Variants in RBMS3 observed in about 807,000 individuals in gnomAD.
The protein encoded by RBMS3 is RNA-binding motif, single-stranded-interacting protein 3.
A neutral mutation model predicts 66.8 loss-of-function variants in RBMS3; 27 were observed. The observed-to-expected ratio is 0.40, with a 90% CI of 0.30 to 0.56. RBMS3 has a LOEUF of 0.56. RBMS3 is among the 20% of genes least tolerant of loss of function. RBMS3 has a pLI of 0.40. For synonymous variants in RBMS3, 188 were observed against 183.0 expected (o/e 1.03, Z -0.22); for missense variants, 513 against 549.5 (o/e 0.93, Z 0.66).
intron 4 of RBMS3, among the ~76,000 whole-genome samples, chr3:29,694,697 GT>G (rs1218216889): frequency 6.6e-6 from 1 of 151,990 alleles, no homozygotes; most frequent in African/African-American, 2.4e-5. Flanking sequence ...GTTCAATTAT[GT>G]TTTAAACACA....
chr3:29,370,072 A>G (rs1331819351), intron 1 of RBMS3, among the ~76,000 whole-genome samples: 1 of 152,222 alleles, frequency 6.6e-6, no homozygotes, highest in African/African-American at 2.4e-5. Flanking sequence ...GGGATGATGG[A>G]CAGCCCGGCC....
chr3:29,869,363 G>A (rs991353703), intron 7 of RBMS3, among the ~76,000 whole-genome samples: 4 of 152,014 alleles, frequency 2.6e-5, no homozygotes, highest in Admixed American at 6.6e-5. Context: ...GACAAAATTT[G>A]GCTGTTTTTC....
chr3:29,754,961 T>C (rs2055342436), intron 5 of RBMS3, among the ~76,000 whole-genome samples: 1 of 152,222 alleles, frequency 6.6e-6, no homozygotes, highest in East Asian at 1.9e-4. Context: ...TGTACTTATG[T>C]CTCTCTGGGC....
At chr3:29,865,282 A>G (rs1277308485) in intron 6 of RBMS3, among the ~76,000 whole-genome samples, 1 of 152,160 alleles carries the variant, frequency 6.6e-6, no homozygotes, top group Admixed American at 6.5e-5. Context: ...GAGAAGTCAT[A>G]CTCTAGACTA....
intron 10 of RBMS3, among the ~76,000 whole-genome samples, chr3:29,932,615 A>G (rs2061158226): frequency 6.6e-6 from 1 of 152,218 alleles, no homozygotes; most frequent in African/African-American, 2.4e-5. Context: ...TTCTGGGATT[A>G]ATATAGGTGC....
intron 14 of RBMS3, among the ~76,000 whole-genome samples, chr3:29,995,132 G>A (rs1199473787): frequency 2.0e-5 from 3 of 152,222 alleles, no homozygotes; most frequent in Admixed American, 2.0e-4. Context: ...GAATGCAGAA[G>A]CCTCAGGAGC....
intron 1 of RBMS3, among the ~76,000 whole-genome samples, chr3:29,345,199 A>G (rs952693635): frequency 5.9e-5 from 9 of 152,204 alleles, no homozygotes; most frequent in African/African-American, 2.2e-4. Context: ...AATGATCTCT[A>G]GAGCTAAGGG....
chr3:29,983,621 ATC>A (rs755270064), intron 12 of RBMS3, among the ~76,000 whole-genome samples: 40 of 152,144 alleles, frequency 2.6e-4, no homozygotes, highest in Non-Finnish European at 4.0e-4. Flanking sequence ...TGGTGATGAA[ATC>A]TCTCAGCATT....
At chr3:29,782,182 C>A (rs146252451) in intron 6 of RBMS3, among the ~76,000 whole-genome samples, 4 of 152,058 alleles carry the variant, frequency 2.6e-5, no homozygotes, top group Non-Finnish European at 5.9e-5. Context: ...CCATAGCTGA[C>A]GCGCTCTTGA....
chr3:29,355,695 T>C (rs1458584421), intron 1 of RBMS3, among the ~76,000 whole-genome samples: 1 of 152,160 alleles, frequency 6.6e-6, no homozygotes, highest in Non-Finnish European at 1.5e-5. Flanking sequence ...CTCCACAGTA[T>C]ATGCCTTCAT....
At chr3:29,808,720 A>C (rs1444084219) in intron 6 of RBMS3, among the ~76,000 whole-genome samples, 1 of 151,922 alleles carries the variant, frequency 6.6e-6, no homozygotes, top group Non-Finnish European at 1.5e-5. Flanking sequence ...TCATCCTGTC[A>C]CCTGCTTGAT....
intron 4 of RBMS3, among the ~76,000 whole-genome samples, chr3:29,595,699 G>T (rs572565910): frequency 6.6e-6 from 1 of 152,320 alleles, no homozygotes; most frequent in South Asian, 2.1e-4. Context: ...AGACAAAGAA[G>T]TATGTCAAAA....
intron 2 of RBMS3, among the ~76,000 whole-genome samples, chr3:29,482,068 C>A (rs2043146238): frequency 6.6e-6 from 1 of 152,104 alleles, no homozygotes; most frequent in Non-Finnish European, 1.5e-5. Context: ...TTAATTGATT[C>A]TAAACCTCAT....
chr3:29,326,156 T>C (rs2035323261), intron 1 of RBMS3, among the ~76,000 whole-genome samples: 1 of 152,190 alleles, frequency 6.6e-6, no homozygotes, highest in Non-Finnish European at 1.5e-5. Flanking sequence ...CTTTCTACAA[T>C]GCAGTTTGAC....
intron 1 of RBMS3, among the ~76,000 whole-genome samples, chr3:29,285,837 G>C (rs2032283907): frequency 6.6e-6 from 1 of 152,080 alleles, no homozygotes; most frequent in South Asian, 2.1e-4. Flanking sequence ...GGCTTCCACG[G>C]AGCAAAGGAT....
intron 3 of RBMS3, among the ~76,000 whole-genome samples, chr3:29,565,744 A>G (rs1026783622): frequency 5.3e-5 from 8 of 152,216 alleles, no homozygotes; most frequent in Non-Finnish European, 1.0e-4. Context: ...TTGACAATTT[A>G]GAAAAGGTAG....
intron 1 of RBMS3, among the ~76,000 whole-genome samples, chr3:29,430,922 A>G (rs143632263): frequency 1.2e-3 from 180 of 152,316 alleles, no homozygotes; most frequent in African/African-American, 4.1e-3. Flanking sequence ...GGAAGTAAAG[A>G]GAAATCTCAT....
At chr3:29,988,981 A>G (rs1698632760) in intron 13 of RBMS3, among the ~76,000 whole-genome samples, 2 of 152,168 alleles carry the variant, frequency 1.3e-5, no homozygotes, top group African/African-American at 2.4e-5. Flanking sequence ...CCTGAGTCCT[A>G]TCCCCAGAGA....
chr3:29,387,210 C>T (rs917070694), intron 1 of RBMS3, among the ~76,000 whole-genome samples: 3 of 152,150 alleles, frequency 2.0e-5, no homozygotes, highest in African/African-American at 7.2e-5. Flanking sequence ...GTTGACTTCT[C>T]ACCTGAACTC....
Sources: allele counts gnomAD v4.1 joint callset (sites outside exome capture counted in the v4.1 genomes callset), GRCh38; gene constraint gnomAD v4.1.1; transcripts MANE v1.5; gene names NCBI Gene and HGNC (gene_info 2026-07-23, HGNC 2026-07-21).